The following CSMD1 variants were observed in gnomAD, a reference collection of about 807,000 sequenced individuals.
CSMD1 encodes the protein CUB and sushi domain-containing protein 1.
A neutral mutation model predicts 417.5 loss-of-function variants in CSMD1; 213 were observed. The ratio of observed to expected loss-of-function variants is 0.51; its 90% confidence interval spans 0.46 to 0.57. The LOEUF is 0.57. CSMD1 is among the 20% of genes least tolerant of loss of function. The pLI is 0.00. For synonymous variants in CSMD1, 2,862 were observed against 1,736.8 expected (o/e 1.65, Z -16.11); for missense variants, 6,923 against 4,529.7 (o/e 1.53, Z -15.17).
chr8:4,471,204 C>A (rs919041578), intron 2 of CSMD1, among the ~76,000 whole-genome samples: 2 of 152,044 alleles, frequency 1.3e-5, no homozygotes, highest in Non-Finnish European at 2.9e-5. Flanking sequence ...TATGGAAAAA[C>A]AATCTTAGAA....
rs1469840973 is a variant in CSMD1 at position 3,481,973 on chromosome 8, A to C, written c.1448+11650T>G. On this transcript the variant is annotated intron_variant, in intron 11 of 69. Coordinates refer to ENST00000635120, the MANE Select transcript of CSMD1 (RefSeq NM_033225.6). ...CAGTAGGAAATAAATGTATCAGTAG[A>C]CTGTTATAAGTCACATATGTTTATT... 3.3e-5 allele frequency among the ~76,000 whole-genome samples: 5 copies of C among 152,238 alleles called. No homozygotes were observed. The East Asian group carries it at 9.6e-4, about 29-fold the overall frequency.
At chr8:4,920,836 G>A (rs1218846370) in intron 1 of CSMD1, among the ~76,000 whole-genome samples, 13 of 37,478 alleles carry the variant, frequency 3.5e-4, no homozygotes, top group Non-Finnish European at 9.7e-4. Context: ...AAAAGAAAAA[G>A]AGAACGAAAG....
At chr8:3,681,703 G>A (rs199810582) in intron 7 of CSMD1, among the ~76,000 whole-genome samples, 4 of 151,948 alleles carry the variant, frequency 2.6e-5, no homozygotes, top group East Asian at 1.9e-4. Flanking sequence ...TAAAGTTCAT[G>A]TGGAACCAAA....
intron 3 of CSMD1, among the ~76,000 whole-genome samples, chr8:4,051,297 T>A: frequency 9.0e-6 from 1 of 110,998 alleles, no homozygotes. Context: ...CTCATCTAAG[T>A]TTTGAAGACT....
intron 3 of CSMD1, among the ~76,000 whole-genome samples, chr8:4,319,738 G>A (rs1480604737): frequency 6.6e-6 from 1 of 152,066 alleles, no homozygotes; most frequent in Non-Finnish European, 1.5e-5. Flanking sequence ...ACTGAGACTT[G>A]CCGGGGGGCC....
chr8:4,061,095 GAT>G (rs1798948158), intron 3 of CSMD1, among the ~76,000 whole-genome samples: 1 of 152,086 alleles, frequency 6.6e-6, no homozygotes, highest in Non-Finnish European at 1.5e-5. Context: ...TATTTTTGTT[GAT>G]ATCTTATGGA....
intron 2 of CSMD1, among the ~76,000 whole-genome samples, chr8:4,439,085 C>T (rs1044512618): frequency 3.9e-5 from 6 of 152,154 alleles, no homozygotes; most frequent in African/African-American, 1.2e-4. Context: ...CCTATTTCAT[C>T]TGTATTATAT....
chr8:4,233,092 G>A (rs896948411), intron 3 of CSMD1, among the ~76,000 whole-genome samples: 1 of 152,224 alleles, frequency 6.6e-6, no homozygotes, highest in African/African-American at 2.4e-5. Context: ...CACTGGCACT[G>A]AACTGCACAG....
At chr8:4,074,236 C>T (rs1799706589) in intron 3 of CSMD1, among the ~76,000 whole-genome samples, 1 of 151,842 alleles carries the variant, frequency 6.6e-6, no homozygotes, top group Non-Finnish European at 1.5e-5. Context: ...TTTGTAACCC[C>T]AGAGAAAGCA....
chr8:2,985,043 T>C (rs1302308404), intron 54 of CSMD1, among the ~76,000 whole-genome samples: 1 of 152,198 alleles, frequency 6.6e-6, no homozygotes, highest in East Asian at 1.9e-4. Context: ...GAGCTTAAAA[T>C]TTTGGCAGAA....
intron 5 of CSMD1, among the ~76,000 whole-genome samples, chr8:3,982,176 A>AATAATG (rs1813925629): frequency 7.7e-6 from 1 of 130,560 alleles, no homozygotes; most frequent in Non-Finnish European, 1.7e-5. Context: ...TAATAATAAT[A>AATAATG]ATAATAATAA....
intron 3 of CSMD1, among the ~76,000 whole-genome samples, chr8:4,320,062 T>A (rs904260389): frequency 2.0e-5 from 3 of 152,194 alleles, no homozygotes; most frequent in Admixed American, 6.5e-5. Flanking sequence ...ACAAAAGACT[T>A]CGTTGGTTTT....
chr8:4,054,341 G>C (rs1473302170), intron 3 of CSMD1, among the ~76,000 whole-genome samples: 1 of 152,102 alleles, frequency 6.6e-6, no homozygotes, highest in Non-Finnish European at 1.5e-5. Context: ...AGGAATGTGT[G>C]GTTTGATCTA....
At chr8:4,189,622 C>T (rs1405265612) in intron 3 of CSMD1, among the ~76,000 whole-genome samples, 1 of 152,064 alleles carries the variant, frequency 6.6e-6, no homozygotes, top group East Asian at 1.9e-4. Flanking sequence ...GGCAAAGACC[C>T]CTAGCAAAGA....
chr8:3,311,529 C>A (rs1270525498), intron 23 of CSMD1, among the ~76,000 whole-genome samples: 2 of 152,180 alleles, frequency 1.3e-5, no homozygotes, highest in Non-Finnish European at 2.9e-5. Context: ...GAATTATAAG[C>A]ATGAGTCTAA....
intron 2 of CSMD1, among the ~76,000 whole-genome samples, chr8:4,613,675 A>C (rs1055517736): frequency 6.6e-6 from 1 of 152,110 alleles, no homozygotes; most frequent in Admixed American, 6.5e-5. Flanking sequence ...AAAAATGTCA[A>C]TTTTCCATCA....
chr8:3,658,103 T>G (rs1053507315), intron 7 of CSMD1, among the ~76,000 whole-genome samples: 1 of 152,114 alleles, frequency 6.6e-6, no homozygotes, highest in African/African-American at 2.4e-5. Context: ...GCTAGCAACA[T>G]TATTATCATC....
chr8:3,239,430 G>A (rs968334843), intron 26 of CSMD1, among the ~76,000 whole-genome samples: 1 of 152,266 alleles, frequency 6.6e-6, no homozygotes, highest in Non-Finnish European at 1.5e-5. Flanking sequence ...GACCCTGTGG[G>A]AAAGGCCTCT....
chr8:4,152,700 A>C (rs1796631803), intron 3 of CSMD1, among the ~76,000 whole-genome samples: 1 of 152,138 alleles, frequency 6.6e-6, no homozygotes, highest in Non-Finnish European at 1.5e-5. Context: ...AAAAAAGAAA[A>C]AAAAAATCCT....
Sources: allele counts gnomAD v4.1 joint callset (sites outside exome capture counted in the v4.1 genomes callset), GRCh38; gene constraint gnomAD v4.1.1; transcripts MANE v1.5; gene names NCBI Gene and HGNC (gene_info 2026-07-23, HGNC 2026-07-21).